The following KIAA1328 variants were observed in gnomAD, a reference collection of about 807,000 sequenced individuals.
The protein encoded by KIAA1328 is KIAA1328.
Under a neutral mutation model 68.1 loss-of-function variants are expected in KIAA1328, and 52 were observed. That is an observed-to-expected ratio of 0.76 (90% CI 0.61 to 0.96). The LOEUF (loss-of-function observed/expected upper bound fraction) is 0.96, where lower values mean the gene tolerates loss of function less well. KIAA1328 is among the 40% of genes least tolerant of loss of function. The pLI, the probability that KIAA1328 is intolerant of heterozygous loss-of-function variation, is 0.00. For synonymous variants in KIAA1328, 232 were observed against 239.4 expected, an observed-to-expected ratio of 0.97 and a Z score of 0.28; for missense variants, 641 against 677.6, an observed-to-expected ratio of 0.95 and a Z score of 0.60.
chr18:36,971,163 T>C (rs2052189839), intron 6 of KIAA1328, among the ~76,000 whole-genome samples: 1 of 152,218 alleles, frequency 6.6e-6, no homozygotes, highest in Admixed American at 6.5e-5. Context: ...TACAACCATC[T>C]GATCTTTGAC....
rs556536909 is a variant in KIAA1328, at chr18:37,081,139, A to G, written c.1232+13594A>G. Reference sequence around the variant, plus strand: ...TGGGATTGCAGGCACGCACCACCACACCAGGCTAATTTTTGTATTTTTAGT... The same window carrying G: ...TGGGATTGCAGGCACGCACCACCACGCCAGGCTAATTTTTGTATTTTTAGT... On this transcript the variant is annotated intron_variant, in intron 7 of 9. Coordinates refer to ENST00000280020, the MANE Select transcript of KIAA1328 (RefSeq NM_020776.3). Among the ~76,000 whole-genome samples, 155 of 151,938 alleles carry G rather than the reference A, an allele frequency of 1.0e-3. 2 individuals carry two copies. Among genetic ancestry groups the G allele is most frequent in the African/African-American group, 3.7e-3 (153 of 41,474 alleles).
At chr18:36,833,786 T>C (rs1310380611) in intron 1 of KIAA1328, among the ~76,000 whole-genome samples, 1 of 152,226 alleles carries the variant, frequency 6.6e-6, no homozygotes, top group Non-Finnish European at 1.5e-5. Flanking sequence ...ACTTTTTAAA[T>C]AGTAGGGCTT....
chr18:36,939,100 G>A (rs2151177675), intron 5 of KIAA1328, among the ~76,000 whole-genome samples: 1 of 152,144 alleles, frequency 6.6e-6, no homozygotes, highest in Middle Eastern at 3.4e-3. Flanking sequence ...GATTTGGGGT[G>A]TTGTTTTTCC....
intron 6 of KIAA1328, among the ~76,000 whole-genome samples, chr18:37,045,761 A>T (rs547565245): frequency 1.3e-5 from 2 of 152,204 alleles, no homozygotes; most frequent in African/African-American, 4.8e-5. Context: ...TTTGACCAAG[A>T]TGTTCAGGCA....
chr18:37,008,204 G>A (rs1014669749), intron 6 of KIAA1328, among the ~76,000 whole-genome samples: 8 of 152,220 alleles, frequency 5.3e-5, no homozygotes, highest in Non-Finnish European at 7.3e-5. Flanking sequence ...TATGGGGGAA[G>A]TGTCAGACAA....
chr18:37,157,785 G>C (rs972883831), intron 7 of KIAA1328, among the ~76,000 whole-genome samples: 8 of 126,432 alleles, frequency 6.3e-5, no homozygotes, highest in African/African-American at 2.2e-4. Flanking sequence ...TCCAGCCCGG[G>C]CAACAGAGTG....
intron 7 of KIAA1328, among the ~76,000 whole-genome samples, chr18:37,128,715 T>G (rs1166485317): frequency 6.6e-6 from 1 of 152,150 alleles, no homozygotes; most frequent in Non-Finnish European, 1.5e-5. Flanking sequence ...TCATAGCAGT[T>G]TTGTTTCTAA....
At chr18:37,119,738 G>T (rs537334646) in intron 7 of KIAA1328, among the ~76,000 whole-genome samples, 14 of 152,138 alleles carry the variant, frequency 9.2e-5, no homozygotes, top group Non-Finnish European at 1.5e-4. Context: ...GTGAATGTAT[G>T]TATAAAATGA....
At chr18:36,927,504 T>C (rs1467284890) in intron 5 of KIAA1328, among the ~76,000 whole-genome samples, 2 of 152,188 alleles carry the variant, frequency 1.3e-5, no homozygotes, top group African/African-American at 2.4e-5. Context: ...TTCAACACTT[T>C]GGAAGGCTGC....
At chr18:37,170,118 T>C (rs1218649547) in intron 8 of KIAA1328, among the ~76,000 whole-genome samples, 2 of 152,220 alleles carry the variant, frequency 1.3e-5, no homozygotes, top group African/African-American at 4.8e-5. Context: ...GTGAACTGCT[T>C]TGCCTGACTT....
chr18:37,085,181 T>C (rs1260959076), intron 7 of KIAA1328, among the ~76,000 whole-genome samples: 2 of 152,130 alleles, frequency 1.3e-5, no homozygotes, highest in African/African-American at 4.8e-5. Flanking sequence ...GAGGCAGGTC[T>C]GAATGCTCAT....
chr18:37,035,327 G>T (rs538640309), intron 6 of KIAA1328, among the ~76,000 whole-genome samples: 19 of 152,268 alleles, frequency 1.2e-4, no homozygotes, highest in Admixed American at 7.8e-4. Flanking sequence ...AAATCCTCAG[G>T]CCCTACTCCA....
At chr18:37,065,051 T>A (rs1182032160) in intron 6 of KIAA1328, among the ~76,000 whole-genome samples, 1 of 152,236 alleles carries the variant, frequency 6.6e-6, no homozygotes, top group Non-Finnish European at 1.5e-5. Context: ...GAAAAACTCA[T>A]ATTTCTCTTG....
At chr18:37,198,695 T>C (rs2060050211) in intron 9 of KIAA1328, among the ~76,000 whole-genome samples, 2 of 152,328 alleles carry the variant, frequency 1.3e-5, no homozygotes, top group South Asian at 4.1e-4. Context: ...TGTCCTTCAA[T>C]GTAAAAGGAA....
chr18:36,948,261 GTTT>G (rs1167822236), intron 5 of KIAA1328, among the ~76,000 whole-genome samples: 8 of 115,740 alleles, frequency 6.9e-5, no homozygotes, highest in Admixed American at 1.9e-4. Context: ...TTTGTCTTTT[GTTT>G]TTTTTTTTTT....
At chr18:37,082,395 C>T (rs2056978460) in intron 7 of KIAA1328, among the ~76,000 whole-genome samples, 1 of 152,150 alleles carries the variant, frequency 6.6e-6, no homozygotes. Context: ...TGGTCTCAAA[C>T]TCCTTACCTC....
intron 6 of KIAA1328, among the ~76,000 whole-genome samples, chr18:37,011,508 C>G (rs1372516327): frequency 6.6e-6 from 1 of 152,098 alleles, no homozygotes; most frequent in Non-Finnish European, 1.5e-5. Context: ...TACTTTTCAC[C>G]TGAATTAACT....
At chr18:37,031,819 G>A (rs889802266) in intron 6 of KIAA1328, among the ~76,000 whole-genome samples, 2 of 151,946 alleles carry the variant, frequency 1.3e-5, no homozygotes, top group Non-Finnish European at 2.9e-5. Context: ...TATACTCACT[G>A]TCTTTGTTTA....
intron 5 of KIAA1328, among the ~76,000 whole-genome samples, chr18:36,909,715 G>C (rs2049359809): frequency 6.6e-6 from 1 of 152,122 alleles, no homozygotes; most frequent in Admixed American, 6.5e-5. Flanking sequence ...GCCACACTGT[G>C]TTCCACAATG....
Sources: gnomAD v4.1 joint callset for allele counts (sites outside exome capture counted in the v4.1 genomes callset) on GRCh38, gnomAD v4.1.1 for gene constraint, MANE v1.5 for transcripts, NCBI Gene and HGNC (gene_info 2026-07-23, HGNC 2026-07-21) for gene names.